The following DNAH7 variants were observed in gnomAD, a reference collection of about 807,000 sequenced individuals.
DNAH7 encodes axonemal beta dynein heavy chain 7.
DNAH7 carries 397 observed loss-of-function variants against 444.6 expected under a neutral mutation model. That is an observed-to-expected ratio of 0.89 (90% confidence interval 0.82 to 0.97). The LOEUF (loss-of-function observed/expected upper bound fraction) is 0.97. DNAH7 is among the 50% of genes least tolerant of loss of function. The pLI, the probability that DNAH7 is intolerant of heterozygous loss-of-function variation, is 0.00. For missense variants in DNAH7, 4,902 were observed against 4,800.8 expected, an observed-to-expected ratio of 1.02 and a Z score of -0.62; for synonymous variants, 1,636 against 1,624.4, an observed-to-expected ratio of 1.01 and a Z score of -0.17.
At chr2:195,900,740 T>C (rs901985456) in intron 27 of DNAH7, 41 of 346,054 alleles carry the variant, frequency 1.2e-4, no homozygotes, top group Non-Finnish European at 2.1e-5. Flanking sequence ...TGTAGCACTG[T>C]GGGGTGACTA....
rs566838984 is a variant in DNAH7, at chr2:195,777,817, C to A, written c.11047G>T (p.Val3683Phe). The A allele has an allele frequency of 6.2e-7, 1 of 1,612,028 alleles. No homozygotes were observed. The highest frequency in any genetic ancestry group is 1.1e-5 in the South Asian group (1 of 90,780). Residue 3683 changes from valine to phenylalanine, a missense_variant, in exon 59 of 65, where the codon GTT (valine) becomes TTT (phenylalanine). Transcript: ENST00000312428. ...ATACTTACATCACCAGAAGGAGGAA[C>A]AAAATAGATGCCACTTGAGTCGAAC... ...YKFDSSGIYF[V>F]PPSGDHKSYI...
intron 15 of DNAH7, among the ~76,000 whole-genome samples, chr2:195,978,725 G>A (rs747873613): frequency 6.6e-6 from 1 of 152,012 alleles, no homozygotes; most frequent in Non-Finnish European, 1.5e-5. Context: ...ATAAAGAGAT[G>A]GAAAAAGATA....
At chr2:195,960,175 GAAAT>G (rs1690986328) in intron 18 of DNAH7, 81 bp downstream of exon 18, 1 of 1,135,654 alleles carries the variant, frequency 8.8e-7, no homozygotes, top group African/African-American at 1.6e-5. Flanking sequence ...TATTATGTGT[GAAAT>G]AATTCTCAAA....
intron 5 of DNAH7, among the ~76,000 whole-genome samples, chr2:196,033,390 G>GA (rs771865568): frequency 6.6e-6 from 1 of 151,930 alleles, no homozygotes. Context: ...ATGTTTTAAA[G>GA]AAAAAAACAA....
chr2:196,010,694 G>C (rs577519828), intron 10 of DNAH7, among the ~76,000 whole-genome samples: 2 of 152,108 alleles, frequency 1.3e-5, no homozygotes, highest in East Asian at 1.9e-4. Context: ...TGGGTGAATA[G>C]ATAAAGAAAA....
intron 49 of DNAH7, among the ~76,000 whole-genome samples, chr2:195,820,493 T>C (rs965139038): frequency 1.3e-4 from 20 of 152,112 alleles, no homozygotes; most frequent in Non-Finnish European, 2.9e-4. Flanking sequence ...ACTTGTTTTT[T>C]TACCCTTGAA....
intron 25 of DNAH7, among the ~76,000 whole-genome samples, chr2:195,907,818 T>C (rs1687122586): frequency 6.6e-6 from 1 of 152,126 alleles, no homozygotes; most frequent in South Asian, 2.1e-4. Context: ...CACTGGATTG[T>C]ACACGAACTC....
intron 19 of DNAH7, among the ~76,000 whole-genome samples, chr2:195,938,700 A>G (rs1424085078): frequency 6.6e-6 from 1 of 152,150 alleles, no homozygotes; most frequent in Non-Finnish European, 1.5e-5. Context: ...CAAACCATGG[A>G]AAGAGCATTC....
At chr2:195,754,590 TG>T (rs1693979069) in intron 62 of DNAH7, 76 bp from the exon 63 acceptor site, 1 of 1,450,878 alleles carries the variant, frequency 6.9e-7, no homozygotes, top group Admixed American at 2.2e-5. Flanking sequence ...ACAGGATCTC[TG>T]GTTGCCCAGG....
At chr2:195,892,831 T>C (rs774089986) in intron 30 of DNAH7, 1 of 149,920 alleles carries the variant, frequency 6.7e-6, no homozygotes, top group Non-Finnish European at 1.5e-5. Flanking sequence ...TTTTTATATA[T>C]AAAAACATAA....
intron 58 of DNAH7, among the ~76,000 whole-genome samples, chr2:195,779,400 C>T (rs1695265249): frequency 6.6e-6 from 1 of 152,116 alleles, no homozygotes; most frequent in African/African-American, 2.4e-5. Flanking sequence ...AATTTATAAA[C>T]ATTACCAGTC....
intron 15 of DNAH7, among the ~76,000 whole-genome samples, chr2:195,980,061 C>CAAAAAAAAAAA (rs59664135): frequency 8.0e-5 from 6 of 75,062 alleles, no homozygotes; most frequent in African/African-American, 1.7e-4. Flanking sequence ...CAAACTAATA[C>CAAAAAAAAAAA]AAAAAAAAAA....
chr2:195,754,336 C>T lies in DNAH7; in HGVS notation c.11764+1G>A. ...CCGACTCATTCTGTCCCTGCACTTACCATCCTCAGGAGGATGCTTGTATTC... is the reference window on the plus strand; with the variant it reads ...CCGACTCATTCTGTCCCTGCACTTATCATCCTCAGGAGGATGCTTGTATTC... On this transcript the variant is annotated splice_donor_variant, in intron 63 of 64. Transcript: ENST00000312428. LOFTEE classifies it high-confidence loss of function. 2 of 1,613,218 alleles carry T rather than the reference C, an allele frequency of 1.2e-6. No individual in the cohort carries two copies. Among genetic ancestry groups the T allele is most frequent in the South Asian group, 2.2e-5 (2 of 90,954 alleles).
chr2:195,742,799 T>A (rs1426154713), intron 63 of DNAH7, among the ~76,000 whole-genome samples: 1 of 152,246 alleles, frequency 6.6e-6, no homozygotes, highest in African/African-American at 2.4e-5. Context: ...CACCTAGTAG[T>A]ACCTAGCAAT....
chr2:195,803,373 A>G (rs1054278458), intron 54 of DNAH7, among the ~76,000 whole-genome samples: 2 of 152,240 alleles, frequency 1.3e-5, no homozygotes, highest in Admixed American at 6.5e-5. Flanking sequence ...GTCTGCTAGC[A>G]CTGGAGGATC....
chr2:196,054,602 C>A (rs538679439), intron 2 of DNAH7, among the ~76,000 whole-genome samples: 16 of 152,306 alleles, frequency 1.1e-4, no homozygotes, highest in African/African-American at 3.8e-4. Flanking sequence ...CCCCACCCCA[C>A]CTCCACCTAC....
intron 21 of DNAH7, among the ~76,000 whole-genome samples, chr2:195,932,490 T>C (rs1276724485): frequency 1.3e-5 from 2 of 152,144 alleles, no homozygotes; most frequent in African/African-American, 2.4e-5. Context: ...CCCTGTCTTG[T>C]GCCAGTTTTC....
chr2:196,050,947 T>C (rs958238566), intron 3 of DNAH7, among the ~76,000 whole-genome samples: 2 of 152,240 alleles, frequency 1.3e-5, no homozygotes, highest in African/African-American at 4.8e-5. Flanking sequence ...CTCCTTTTGC[T>C]AACCAATCTT....
chr2:195,976,747 C>CAGAGAGAGAGAGAGAGAGAGAGAG (rs60653466), intron 15 of DNAH7, among the ~76,000 whole-genome samples: 1,101 of 90,474 alleles, frequency 0.012, 83 homozygotes, highest in South Asian at 0.02. Flanking sequence ...GAGAGGCAGA[C>CAGAGAGAGAGAGAGAGAGAGAGAG]AGAGAGAGAG....
Sources: allele counts gnomAD v4.1 joint callset (sites outside exome capture counted in the v4.1 genomes callset), GRCh38; gene constraint gnomAD v4.1.1; transcripts MANE v1.5; gene names NCBI Gene and HGNC (gene_info 2026-07-23, HGNC 2026-07-21).